Variants in ABCC4 observed in about 807,000 individuals in gnomAD.
ABCC4 encodes ATP-binding cassette sub-family C member 4.
In ABCC4, 102 loss-of-function variants were observed where a neutral mutation model predicts 168.5. That is an observed-to-expected ratio of 0.61 (90% confidence interval 0.52 to 0.71). The LOEUF is 0.71. Among genes scored for constraint, ABCC4 ranks in the 30% least tolerant of loss-of-function variants. The pLI is 0.00. For missense variants in ABCC4, 1,402 were observed against 1,605.8 expected (o/e 0.87, Z 2.17); for synonymous variants, 617 against 590.7 (o/e 1.04, Z -0.65).
chr13:95,247,114 T>G lies in ABCC4; in HGVS notation c.186-19A>C. On this transcript the variant is annotated intron_variant, in intron 2 of 30. Coordinates refer to ENST00000645237, the MANE Select transcript of ABCC4 (RefSeq NM_005845.5). ...CCAGAACCTACAATGAGGAAAAAGC[T>G]TCGTAAATAAGAGTGAACCCTGCCA... 1 of 1,606,180 alleles carries G rather than the reference T, an allele frequency of 6.2e-7. No individual in the cohort carries two copies. Among genetic ancestry groups the G allele is most frequent in the Non-Finnish European group, 8.5e-7 (1 of 1,177,966 alleles).
At chr13:95,109,108 T>G (rs931526903) in intron 20 of ABCC4, among the ~76,000 whole-genome samples, 4 of 152,188 alleles carry the variant, frequency 2.6e-5, no homozygotes, top group African/African-American at 7.2e-5. Flanking sequence ...CTCCATGCTC[T>G]AGATCCTGGA....
At chr13:95,168,128 TC>T (rs2037346642) in intron 14 of ABCC4, among the ~76,000 whole-genome samples, 1 of 152,086 alleles carries the variant, frequency 6.6e-6, no homozygotes, top group Admixed American at 6.5e-5. Context: ...CACCCTGACC[TC>T]CCAAATTGCT....
chr13:95,284,685 C>A (rs1025339823), intron 1 of ABCC4, among the ~76,000 whole-genome samples: 5 of 152,132 alleles, frequency 3.3e-5, no homozygotes, highest in Non-Finnish European at 1.5e-5. Context: ...GGAACATAAG[C>A]CCCTTAGGGC....
intron 20 of ABCC4, among the ~76,000 whole-genome samples, chr13:95,114,490 G>A (rs973935710): frequency 2.0e-5 from 3 of 152,018 alleles, no homozygotes; most frequent in Non-Finnish European, 4.4e-5. Flanking sequence ...CTATGTAAAC[G>A]GGGCAACTGT....
At chr13:95,199,892 C>A (rs533477920) in intron 8 of ABCC4, among the ~76,000 whole-genome samples, 22 of 152,294 alleles carry the variant, frequency 1.4e-4, no homozygotes, top group Admixed American at 2.6e-4. Context: ...CTTCCCAAAC[C>A]CTTCCCCATC....
chr13:95,300,380 G>T (rs561245783), intron 1 of ABCC4, among the ~76,000 whole-genome samples: 45 of 152,296 alleles, frequency 3.0e-4, no homozygotes, highest in Middle Eastern at 6.8e-3. Flanking sequence ...GGAAACAGGG[G>T]AAAGAAGCTG....
chr13:95,253,493 C>G (rs2040318543), intron 1 of ABCC4, among the ~76,000 whole-genome samples: 1 of 151,976 alleles, frequency 6.6e-6, no homozygotes, highest in Non-Finnish European at 1.5e-5. Flanking sequence ...GCCTGTAATC[C>G]CAGCACTTTG....
chr13:95,068,031 G>A (rs1442770037), intron 25 of ABCC4, among the ~76,000 whole-genome samples: 4 of 152,060 alleles, frequency 2.6e-5, no homozygotes, highest in Non-Finnish European at 5.9e-5. Context: ...CCTACTTAGC[G>A]CCTATTACTT....
chr13:95,189,432 A>C (rs575677340), intron 9 of ABCC4, among the ~76,000 whole-genome samples: 9 of 152,302 alleles, frequency 5.9e-5, no homozygotes, highest in Non-Finnish European at 1.3e-4. Context: ...TATTCTTAAT[A>C]TAATATTCAG....
At chr13:95,078,208 T>G (rs1026477433) in intron 21 of ABCC4, among the ~76,000 whole-genome samples, 1 of 151,732 alleles carries the variant, frequency 6.6e-6, no homozygotes, top group East Asian at 1.9e-4. Flanking sequence ...GTCCACAGGG[T>G]TCTCTCTATT....
intron 28 of ABCC4, 32 bp downstream of exon 28, chr13:95,044,234 G>A: frequency 1.3e-6 from 2 of 1,556,194 alleles, no homozygotes; most frequent in Non-Finnish European, 1.7e-6. Context: ...TTAAAATGTG[G>A]ACTCAAGGTT....
chr13:95,226,406 CAAAG>C (rs1284329472), intron 4 of ABCC4, among the ~76,000 whole-genome samples: 1 of 151,970 alleles, frequency 6.6e-6, no homozygotes, highest in Non-Finnish European at 1.5e-5. Flanking sequence ...TAAAGTAAAA[CAAAG>C]AAAATATAGA....
At chr13:95,147,035 G>A (rs567071808) in intron 19 of ABCC4, among the ~76,000 whole-genome samples, 1 of 152,252 alleles carries the variant, frequency 6.6e-6, no homozygotes, top group East Asian at 1.9e-4. Context: ...TAAAAGAGTT[G>A]CACAGAATGA....
chr13:95,138,851 C>A (rs537000540), intron 19 of ABCC4, among the ~76,000 whole-genome samples: 226 of 152,354 alleles, frequency 1.5e-3, no homozygotes, highest in Non-Finnish European at 2.7e-3. Flanking sequence ...CTGGCCTGGG[C>A]AGGCCCTCAC....
In ABCC4 at chr13:95,301,320, C is replaced by T; in HGVS notation, c.-6G>A. On this transcript the variant is annotated 5_prime_UTR_variant, in exon 1 of 31. Transcript: ENST00000645237. The stretch of plus-strand genomic sequence containing the variant: ...TCCTGGTACACGGGCAGCATCTTGC[C>T]GGGCGGGGCGGGCGCGGGCCGGGGT... The T allele has an allele frequency of 6.3e-7, 1 of 1,576,946 alleles. No homozygotes were observed.
At position 95,188,420 on chromosome 13, in the gene ABCC4, T is replaced by A. The variant is rs371749730; in HGVS notation, c.1353+33A>T. ...ACGAAGTTAATATGATAAGTGGGGTTGCAACAAGCTGCCAAAAGCCATTCT... is the reference window on the plus strand; with the variant it reads ...ACGAAGTTAATATGATAAGTGGGGTAGCAACAAGCTGCCAAAAGCCATTCT... On this transcript the variant is annotated intron_variant, in intron 10 of 30. Coordinates refer to ENST00000645237, the MANE Select transcript of ABCC4 (RefSeq NM_005845.5). 21 of 1,597,784 alleles carry A rather than the reference T, an allele frequency of 1.3e-5. No individual in the cohort carries two copies. The African/African-American group carries it at 2.7e-4, about 20-fold the overall frequency.
chr13:95,126,847 A>T (rs182599689), intron 19 of ABCC4, among the ~76,000 whole-genome samples: 5,543 of 145,434 alleles, frequency 0.038, 226 homozygotes, highest in African/African-American at 0.094. Flanking sequence ...AAGTACACCA[A>T]ATATATATAT....
At chr13:95,206,911 G>T in intron 7 of ABCC4, 130 bp from the exon 8 acceptor site, 1 of 1,009,604 alleles carries the variant, frequency 9.9e-7, no homozygotes, top group Non-Finnish European at 1.5e-6. Flanking sequence ...AGACCATCCT[G>T]GGCAACAACA....
chr13:95,291,877 T>C (rs1309686853), intron 1 of ABCC4, among the ~76,000 whole-genome samples: 1 of 151,814 alleles, frequency 6.6e-6, no homozygotes, highest in Non-Finnish European at 1.5e-5. Context: ...AACCAGAAGG[T>C]GGAGGTTGCA....
Sources: allele counts gnomAD v4.1 joint callset (sites outside exome capture counted in the v4.1 genomes callset), GRCh38; gene constraint gnomAD v4.1.1; transcripts MANE v1.5; gene names NCBI Gene and HGNC (gene_info 2026-07-23, HGNC 2026-07-21).